LRP1B: variants seen among roughly 807,000 people sequenced by gnomAD.
The protein encoded by LRP1B is low-density lipoprotein receptor-related protein 1B.
In LRP1B, 217 loss-of-function variants were observed where a neutral mutation model predicts 556.6. The observed-to-expected ratio is 0.39, with a 90% CI of 0.35 to 0.44. LRP1B has a LOEUF of 0.44. Among genes scored for constraint, LRP1B ranks in the 20% least tolerant of loss-of-function variants. The pLI, the probability that LRP1B is intolerant of heterozygous loss-of-function variation, is 1.00. For synonymous variants in LRP1B, 2,047 were observed against 1,865.8 expected (o/e 1.10, Z -2.50); for missense variants, 5,053 against 5,620.8 (o/e 0.90, Z 3.23).
chr2:141,874,078 C>G (rs1456948179), intron 1 of LRP1B, among the ~76,000 whole-genome samples: 1 of 131,596 alleles, frequency 7.6e-6, no homozygotes, highest in Non-Finnish European at 1.6e-5. Context: ...ATACAATGAA[C>G]TAACAATTTT....
At chr2:142,041,930 G>A (rs992726288) in intron 1 of LRP1B, among the ~76,000 whole-genome samples, 3 of 151,462 alleles carry the variant, frequency 2.0e-5, no homozygotes, top group Admixed American at 1.3e-4. Flanking sequence ...ATTAAAAGTA[G>A]TCTACACAAT....
intron 41 of LRP1B, among the ~76,000 whole-genome samples, chr2:140,670,379 C>G (rs1371427900): frequency 2.0e-5 from 3 of 152,124 alleles, no homozygotes; most frequent in Non-Finnish European, 4.4e-5. Flanking sequence ...GATTTAATAG[C>G]CTCCGCAGTT....
intron 2 of LRP1B, among the ~76,000 whole-genome samples, chr2:141,574,666 ATC>A (rs1686669747): frequency 6.6e-6 from 1 of 152,122 alleles, no homozygotes; most frequent in Non-Finnish European, 1.5e-5. Flanking sequence ...AAATCAAATC[ATC>A]TCTGTTTCCA....
chr2:141,113,598 G>T (rs1438168023), intron 7 of LRP1B, among the ~76,000 whole-genome samples: 1 of 151,834 alleles, frequency 6.6e-6, no homozygotes, highest in African/African-American at 2.4e-5. Flanking sequence ...TCTTTGAAAG[G>T]GTTTTATTAT....
chr2:141,803,740 G>A (rs746618559), intron 2 of LRP1B, among the ~76,000 whole-genome samples: 5 of 151,972 alleles, frequency 3.3e-5, no homozygotes, highest in Non-Finnish European at 7.4e-5. Flanking sequence ...ATTTTAAAGG[G>A]CAGTATCTGT....
chr2:140,733,201 C>T (rs1687834740), intron 35 of LRP1B, among the ~76,000 whole-genome samples: 1 of 152,126 alleles, frequency 6.6e-6, no homozygotes, highest in Non-Finnish European at 1.5e-5. Flanking sequence ...ATCTTCCCTC[C>T]AACTTAAATT....
intron 20 of LRP1B, among the ~76,000 whole-genome samples, chr2:140,926,101 C>T (rs1458695663): frequency 6.9e-6 from 1 of 143,934 alleles, no homozygotes; most frequent in African/African-American, 2.6e-5. Flanking sequence ...GTCTGAACCT[C>T]TGTATGCTGG....
intron 74 of LRP1B, 95 bp from the exon 75 acceptor site, chr2:140,356,571 C>T (rs2105131055): frequency 1.3e-6 from 1 of 787,982 alleles, no homozygotes; most frequent in East Asian, 2.6e-5. Context: ...ATTTATTATT[C>T]CACAGATAAC....
intron 37 of LRP1B, among the ~76,000 whole-genome samples, chr2:140,714,181 A>G (rs1574272665): frequency 6.6e-6 from 1 of 152,164 alleles, no homozygotes; most frequent in East Asian, 1.9e-4. Flanking sequence ...AGTGTCTACA[A>G]GTGTCTTTCA....
chr2:140,385,593 T>C (rs1347348232), intron 67 of LRP1B, among the ~76,000 whole-genome samples: 1 of 152,192 alleles, frequency 6.6e-6, no homozygotes, highest in East Asian at 1.9e-4. Context: ...ATTCAGCTCA[T>C]TGTGTGAACT....
At chr2:141,759,573 T>G (rs1298135207) in intron 2 of LRP1B, among the ~76,000 whole-genome samples, 1 of 152,128 alleles carries the variant, frequency 6.6e-6, no homozygotes, top group Admixed American at 6.5e-5. Flanking sequence ...AAAATAAATC[T>G]GTGATTAAAA....
intron 31 of LRP1B, among the ~76,000 whole-genome samples, chr2:140,836,886 C>T (rs1437032333): frequency 6.6e-6 from 1 of 152,186 alleles, no homozygotes; most frequent in Non-Finnish European, 1.5e-5. Context: ...AGGTGCTTAA[C>T]CTTAAACTTG....
At chr2:140,674,383 T>C (rs1338996900) in intron 41 of LRP1B, among the ~76,000 whole-genome samples, 3 of 152,218 alleles carry the variant, frequency 2.0e-5, no homozygotes, top group Non-Finnish European at 2.9e-5. Context: ...GAATAGGACA[T>C]ATTTGCTATC....
rs2105189183 is a variant in LRP1B at position 140,598,749 on chromosome 2, C to G, written c.7076G>C (p.Ser2359Thr). The G allele has an allele frequency of 1.2e-6, 2 of 1,612,894 alleles. No homozygotes were observed. The highest frequency in any genetic ancestry group is 1.1e-5 in the South Asian group (1 of 91,060). Residue 2359 changes from serine to threonine, a missense_variant, in exon 43 of 91, where the codon AGT becomes ACT. By Grantham distance (58) the Ser-to-Thr change is moderately conservative. Coordinates refer to ENST00000389484, the MANE Select transcript of LRP1B (RefSeq NM_018557.3). ...TCCATTTGGAGTGAGTATGTCTGTACTGACCACCACTTGAGCATTTTTCCC... is the reference window on the plus strand; with the variant it reads ...TCCATTTGGAGTGAGTATGTCTGTAGTGACCACCACTTGAGCATTTTTCCC... ...LTGKNAQVVV[S>T]TDILTPNGLT...
chr2:140,876,581 T>C (rs1334375684), intron 25 of LRP1B, among the ~76,000 whole-genome samples: 2 of 152,138 alleles, frequency 1.3e-5, no homozygotes, highest in Non-Finnish European at 2.9e-5. Flanking sequence ...ATACCATCCC[T>C]GTACAGGGTT....
intron 1 of LRP1B, among the ~76,000 whole-genome samples, chr2:141,853,321 C>T (rs1322596888): frequency 1.3e-5 from 2 of 151,318 alleles, no homozygotes; most frequent in African/African-American, 2.4e-5. Context: ...TAAGTTATAA[C>T]GGTTATGAAG....
intron 3 of LRP1B, among the ~76,000 whole-genome samples, chr2:141,478,724 T>A (rs948579910): frequency 2.6e-5 from 4 of 152,020 alleles, no homozygotes; most frequent in African/African-American, 9.7e-5. Flanking sequence ...TTTGTTTTTT[T>A]AATAGAGACA....
chr2:140,968,608 T>G (rs112362630), intron 18 of LRP1B, among the ~76,000 whole-genome samples: 16,704 of 152,128 alleles, frequency 0.11, 988 homozygotes, highest in Middle Eastern at 0.13. Flanking sequence ...TCTAGTTCTT[T>G]CAATTGTGAT....
At chr2:141,803,948 C>G (rs574186656) in intron 2 of LRP1B, among the ~76,000 whole-genome samples, 1 of 152,210 alleles carries the variant, frequency 6.6e-6, no homozygotes, top group East Asian at 1.9e-4. Flanking sequence ...ATAATAGAAT[C>G]ATTGGTCAAT....
Sources: gnomAD v4.1 joint callset for allele counts (sites outside exome capture counted in the v4.1 genomes callset) on GRCh38, gnomAD v4.1.1 for gene constraint, MANE v1.5 for transcripts, NCBI Gene and HGNC (gene_info 2026-07-23, HGNC 2026-07-21) for gene names.